The following CHMP3 variants were observed in gnomAD, a reference collection of about 807,000 sequenced individuals.
The protein encoded by CHMP3 is 25.1 protein.
Under a neutral mutation model 27.4 loss-of-function variants are expected in CHMP3, and 8 were observed. The observed-to-expected ratio is 0.29, with a 90% CI of 0.17 to 0.53. The LOEUF (loss-of-function observed/expected upper bound fraction) is 0.53. Ranked by LOEUF, CHMP3 falls within the 20% of genes least tolerant of loss-of-function variation. The pLI is 0.96. For missense variants in CHMP3, 208 were observed against 271.5 expected (o/e 0.77, Z 1.64); for synonymous variants, 86 against 85.5 (o/e 1.01, Z -0.03).
At chr2:86,506,085 T>A in intron 5 of CHMP3, 136 bp from the exon 6 acceptor site, 2 of 1,060,278 alleles carry the variant, frequency 1.9e-6, no homozygotes, top group Non-Finnish European at 2.4e-6. Flanking sequence ...TTGGGGGGGT[T>A]TACTCACTCT....
Position 86,505,106 on chromosome 2 carries a change from C to CAA in CHMP3, c.*697_*698insTT. The CAA allele has an allele frequency of 6.6e-6, 1 of 152,450 alleles. No individual in the cohort carries two copies. Among genetic ancestry groups the CAA allele is most frequent in the African/African-American group, 2.4e-5 (1 of 41,418 alleles). 9.4% of individuals were successfully genotyped at this position (152,450 alleles called of 1,614,324 possible). ...AATGAGAGGTGAAAGAGACCTAGTA[C>CAA]TACAGCTGTCTCATCTGGGTGCAAC... On this transcript the variant is annotated 3_prime_UTR_variant, in exon 6 of 6. Coordinates refer to ENST00000263856, the MANE Select transcript of CHMP3 (RefSeq NM_016079.4).
chr2:86,562,875 C>CA (rs1677435509), intron 1 of CHMP3: 1 of 161,560 alleles, frequency 6.2e-6, no homozygotes. Flanking sequence ...GCTCCTCCGG[C>CA]AGACGCGACC....
At chr2:86,508,019 G>A (rs1011693566) in intron 4 of CHMP3, among the ~76,000 whole-genome samples, 2 of 152,248 alleles carry the variant, frequency 1.3e-5, no homozygotes, top group Admixed American at 6.5e-5. Context: ...AGTAGATGCC[G>A]TGATAAAAAA....
At chr2:86,522,583 A>C (rs1414034467) in intron 3 of CHMP3, among the ~76,000 whole-genome samples, 1 of 152,116 alleles carries the variant, frequency 6.6e-6, no homozygotes, top group East Asian at 1.9e-4. Context: ...GTGTCTGTTA[A>C]TGGCCCTGCA....
intron 3 of CHMP3, among the ~76,000 whole-genome samples, chr2:86,526,682 C>A (rs11900816): frequency 0.75 from 112,540 of 149,428 alleles, 42,665 homozygotes; most frequent in East Asian, 0.96. Flanking sequence ...CTCTCTCTCT[C>A]TATATATATA....
At chr2:86,523,914 G>A (rs1435723368) in intron 3 of CHMP3, among the ~76,000 whole-genome samples, 1 of 152,020 alleles carries the variant, frequency 6.6e-6, no homozygotes, top group African/African-American at 2.4e-5. Flanking sequence ...GGTTAAGATA[G>A]CCAAAATAAA....
chr2:86,532,803 C>T (rs1340762066), intron 2 of CHMP3, among the ~76,000 whole-genome samples: 1 of 152,136 alleles, frequency 6.6e-6, no homozygotes, highest in Non-Finnish European at 1.5e-5. Flanking sequence ...GTGATGTATA[C>T]TCATTTTAAT....
chr2:86,533,790 C>A (rs1055517380), intron 2 of CHMP3, among the ~76,000 whole-genome samples: 1 of 152,146 alleles, frequency 6.6e-6, no homozygotes, highest in African/African-American at 2.4e-5. Flanking sequence ...AGCCACCACA[C>A]CTGGCCTTCA....
chr2:86,547,085 C>T (rs1676639084), intron 1 of CHMP3, among the ~76,000 whole-genome samples: 1 of 152,186 alleles, frequency 6.6e-6, no homozygotes, highest in Admixed American at 6.5e-5. Context: ...AGGTTCAACC[C>T]TCCAGGCAGT....
At chr2:86,536,435 T>C (rs1676144609) in intron 2 of CHMP3, among the ~76,000 whole-genome samples, 1 of 152,106 alleles carries the variant, frequency 6.6e-6, no homozygotes, top group Non-Finnish European at 1.5e-5. Flanking sequence ...CAGGTCTAGC[T>C]GTAATAAACT....
At chr2:86,539,818 C>A (rs1676291967) in intron 2 of CHMP3, among the ~76,000 whole-genome samples, 2 of 151,960 alleles carry the variant, frequency 1.3e-5, no homozygotes, top group South Asian at 4.1e-4. Flanking sequence ...ATGCTTTATT[C>A]CTTCATATAA....
At chr2:86,510,302 C>T in intron 4 of CHMP3, 56 bp downstream of exon 4, 2 of 1,203,194 alleles carry the variant, frequency 1.7e-6, no homozygotes, top group Non-Finnish European at 2.3e-6. Context: ...CCCCCTGTTA[C>T]TTGTTTAGAG....
intron 1 of CHMP3, among the ~76,000 whole-genome samples, chr2:86,548,526 A>G (rs1676707267): frequency 6.6e-6 from 1 of 152,232 alleles, no homozygotes; most frequent in African/African-American, 2.4e-5. Flanking sequence ...GATTAACAGC[A>G]TCCCAAGGCA....
At chr2:86,521,293 A>C (rs1675514887) in intron 3 of CHMP3, among the ~76,000 whole-genome samples, 1 of 152,178 alleles carries the variant, frequency 6.6e-6, no homozygotes, top group African/African-American at 2.4e-5. Context: ...ACGCGCATGA[A>C]AACTATATAA....
At chr2:86,545,877 G>A (rs1676573145) in intron 1 of CHMP3, among the ~76,000 whole-genome samples, 2 of 151,768 alleles carry the variant, frequency 1.3e-5, no homozygotes, top group South Asian at 2.1e-4. Context: ...TCACTTCCCA[G>A]ACAGGGCGGC....
chr2:86,549,353 G>A (rs187242162), intron 1 of CHMP3, among the ~76,000 whole-genome samples: 2,533 of 140,458 alleles, frequency 0.018, 42 homozygotes, highest in Middle Eastern at 0.037. Context: ...GGGCAGAGAC[G>A]CTCCTCACTT....
chr2:86,531,180 T>A (rs1246506533), intron 2 of CHMP3, among the ~76,000 whole-genome samples: 2 of 152,170 alleles, frequency 1.3e-5, no homozygotes, highest in Non-Finnish European at 2.9e-5. Flanking sequence ...ATTTTTCTTT[T>A]TCTTTTTTTG....
At chr2:86,554,810 TGCGC>T (rs571670029) in intron 1 of CHMP3, among the ~76,000 whole-genome samples, 1 of 105,800 alleles carries the variant, frequency 9.5e-6, no homozygotes. Context: ...TAAATGTGTG[TGCGC>T]GCGTGTGTGT....
chr2:86,505,587 G>A lies in CHMP3; in HGVS notation c.*217C>T, dbSNP rs1674858445. On this transcript the variant is annotated 3_prime_UTR_variant, in exon 6 of 6. Transcript: ENST00000263856. ...GATTTCTTTCCCCTCCCCACAATAA[G>A]ATATATCTGTCTATACTCCTAAAAA... 5 of 488,826 alleles carry A rather than the reference G, an allele frequency of 1.0e-5. No individual in the cohort carries two copies. Among genetic ancestry groups the A allele is most frequent in the Non-Finnish European group, 1.6e-5 (5 of 308,606 alleles). 30.3% of individuals were successfully genotyped at this position (488,826 alleles called of 1,614,324 possible).
Sources: allele counts gnomAD v4.1 joint callset (sites outside exome capture counted in the v4.1 genomes callset), GRCh38; gene constraint gnomAD v4.1.1; transcripts MANE v1.5; gene names NCBI Gene and HGNC (gene_info 2026-07-23, HGNC 2026-07-21).